Variants in EFCC1 observed in about 807,000 individuals in gnomAD.
EFCC1 encodes EF-hand and coiled-coil domain-containing protein 1.
In EFCC1, 50 loss-of-function variants were observed where a neutral mutation model predicts 52.1. That is an observed-to-expected ratio of 0.96 (90% CI 0.76 to 1.21). The LOEUF (loss-of-function observed/expected upper bound fraction) is 1.21, where lower values mean the gene tolerates loss of function less well. Among genes scored for constraint, EFCC1 ranks in the 50% most tolerant of loss-of-function variants. The pLI, the probability that EFCC1 is intolerant of heterozygous loss-of-function variation, is 0.00. For missense variants in EFCC1, 837 were observed against 867.3 expected, an observed-to-expected ratio of 0.97 and a Z score of 0.44; for synonymous variants, 399 against 396.5, an observed-to-expected ratio of 1.01 and a Z score of -0.08.
At position 129,003,949 on chromosome 3, in the gene EFCC1, C is replaced by T; in HGVS notation, c.852C>T (p.Arg284=). ...GTGGCCAGGCCGAGGTGCGGCGGCG[C>T]GCGGAGGAGGCCCGGCAGGTGGTGC... ...LRRGQAEVRR[R]AEEARQVVLR... Residue 284 remains arginine, a synonymous_variant, in exon 2 of 8, where the codon CGC becomes CGT. Transcript: ENST00000683648. 7.1e-7 allele frequency: 1 copy of T among 1,415,884 alleles called. No homozygotes were observed. The allele number at this position is 1,415,884 out of a possible 1,614,324, so 87.7% of individuals were successfully genotyped here. A position where few individuals can be genotyped will look rare whatever the true frequency, so the allele number is the denominator to read the frequency against.
intron 5 of EFCC1, among the ~76,000 whole-genome samples, chr3:129,036,395 A>G (rs1302836882): frequency 3.3e-5 from 5 of 152,230 alleles, no homozygotes; most frequent in African/African-American, 1.2e-4. Flanking sequence ...TGCCTGCTTT[A>G]GAAGGCAGGG....
intron 2 of EFCC1, among the ~76,000 whole-genome samples, chr3:129,022,499 A>T (rs1484300152): frequency 6.6e-6 from 1 of 152,160 alleles, no homozygotes; most frequent in Non-Finnish European, 1.5e-5. Flanking sequence ...CCCTTGTCAG[A>T]TTGTATAAGC....
At position 129,014,017 on chromosome 3, in the gene EFCC1, G is replaced by A. The variant is rs1420512454; in HGVS notation, c.980+9940G>A. 1.3e-5 allele frequency among the ~76,000 whole-genome samples: 2 copies of A among 152,184 alleles called. No homozygotes were observed. Among genetic ancestry groups the A allele is most frequent in the Non-Finnish European group, 2.9e-5 (2 of 68,028 alleles). The stretch of plus-strand genomic sequence containing the variant: ...ACCGAGGTGACTGGAGAAGCCTGGA[G>A]CCACCCAAAGTCAGAGACCCAGGAA... On this transcript the variant is annotated intron_variant, in intron 2 of 7. Transcript: ENST00000683648. The surrounding 1 kb of genome is among the most constrained non-coding windows in gnomAD (Gnocchi z 4.3).
Position 129,037,066 on chromosome 3 carries a change from G to A in EFCC1, c.1542G>A (p.Leu514=), listed in dbSNP as rs1946365247. The change falls in exon 6 of 8, where the codon CTG becomes CTA. Residue 514 remains leucine, a synonymous_variant. Transcript: ENST00000683648. ...CCGAGAGGGTGCGGCTGTCCCTGCTGGAGGAGAAGCTGGTGGACGTGCTGC... is the reference window on the plus strand; with the variant it reads ...CCGAGAGGGTGCGGCTGTCCCTGCTAGAGGAGAAGCTGGTGGACGTGCTGC... The part of the protein sequence containing the change: ...VETERVRLSL[L]EEKLVDVLQL... 6.2e-7 allele frequency: 1 copy of A among 1,613,298 alleles called. No homozygotes were observed. Among genetic ancestry groups the A allele is most frequent in the Non-Finnish European group, 8.5e-7 (1 of 1,179,810 alleles).
chr3:129,035,879 C>T (rs1946347610), intron 5 of EFCC1, among the ~76,000 whole-genome samples: 1 of 152,214 alleles, frequency 6.6e-6, no homozygotes, highest in South Asian at 2.1e-4. Context: ...GTGAAATGGG[C>T]ATAATAATGG....
intron 2 of EFCC1, among the ~76,000 whole-genome samples, chr3:129,009,426 C>T (rs1945219677): frequency 6.6e-6 from 1 of 152,220 alleles, no homozygotes; most frequent in Non-Finnish European, 1.5e-5. Context: ...ATCCCCAAAG[C>T]TCAGTCCAGT....
chr3:129,038,952 C>A, intron 7 of EFCC1, 52 bp downstream of exon 7: 1 of 1,496,334 alleles, frequency 6.7e-7, no homozygotes, highest in Non-Finnish European at 9.3e-7. Context: ...GGAGGGTGTC[C>A]TGAGGAGGAG....
chr3:129,001,947 G>A lies in EFCC1; in HGVS notation c.319G>A (p.Asp107Asn). ...GGCAGCAGGTGACGGGAACTCCAGAGATGTGACCCCCGGGGATGCGGCCGC... is the reference window on the plus strand; with the variant it reads ...GGCAGCAGGTGACGGGAACTCCAGAAATGTGACCCCCGGGGATGCGGCCGC... ...GQAAGDGNSR[D>N]VTPGDAAAEL... The change falls in exon 1 of 8, where the codon GAT becomes AAT. Residue 107 changes from aspartate to asparagine, a missense_variant. Physicochemically the swap from Asp to Asn is conservative, Grantham distance 23 (BLOSUM62 1). Coordinates refer to ENST00000683648, the MANE Select transcript of EFCC1 (RefSeq NM_001377500.1). 6.5e-7 allele frequency: 1 copy of A among 1,543,858 alleles called. No individual in the cohort carries two copies. Among genetic ancestry groups the A allele is most frequent in the Non-Finnish European group, 8.7e-7 (1 of 1,144,094 alleles).
At chr3:129,012,715 C>T (rs1438497020) in intron 2 of EFCC1, among the ~76,000 whole-genome samples, 2 of 152,132 alleles carry the variant, frequency 1.3e-5, no homozygotes, top group African/African-American at 2.4e-5. Context: ...GGACAACTCC[C>T]AAAACGAAGG....
At chr3:129,034,113 C>A (rs376688096) in intron 4 of EFCC1, 51 bp from the exon 5 acceptor site, 2 of 1,608,400 alleles carry the variant, frequency 1.2e-6, no homozygotes, top group Non-Finnish European at 1.7e-6. Flanking sequence ...CTGGACAGAG[C>A]GGGCTCTGGG....
At chr3:129,025,005 G>A (rs1336021456) in intron 2 of EFCC1, among the ~76,000 whole-genome samples, 3 of 152,172 alleles carry the variant, frequency 2.0e-5, no homozygotes, top group Admixed American at 2.0e-4. Flanking sequence ...ACTTCACTGA[G>A]GGAGGGAGGA....
chr3:129,001,956 C>A lies in EFCC1; in HGVS notation c.328C>A (p.Pro110Thr), dbSNP rs1414108304. The change falls in exon 1 of 8, where the codon CCC becomes ACC. Residue 110 changes from proline (P) to threonine (T), a missense_variant. By Grantham distance (38) the Pro-to-Thr change is conservative (BLOSUM62 -1). Coordinates refer to ENST00000683648, the MANE Select transcript of EFCC1 (RefSeq NM_001377500.1). ...AGDGNSRDVT[P>T]GDAAAELATD... is the part of the protein sequence containing the mutation. The stretch of plus-strand genomic sequence containing the variant: ...TGACGGGAACTCCAGAGATGTGACC[C>A]CCGGGGATGCGGCCGCTGAGTTGGC... The A allele has an allele frequency of 3.9e-6, 6 of 1,544,074 alleles. No individual in the cohort carries two copies. The highest frequency in any genetic ancestry group is 5.2e-6 in the Non-Finnish European group (6 of 1,144,266).
At position 129,001,615 on chromosome 3, in the gene EFCC1, C is replaced by T. The variant is rs1358863383; in HGVS notation, c.-14C>T. ...CGGAGGAGGGACCGGAGGAGCGAGGCGCGCGGCGCAGCGATGGAGCCGGTC... is the reference window on the plus strand; with the variant it reads ...CGGAGGAGGGACCGGAGGAGCGAGGTGCGCGGCGCAGCGATGGAGCCGGTC... On this transcript the variant is annotated 5_prime_UTR_variant, in exon 1 of 8. Transcript: ENST00000683648. 4 of 1,355,126 alleles carry T rather than the reference C, an allele frequency of 3.0e-6. No individual in the cohort carries two copies. In the African/African-American group the frequency reaches 4.6e-5, roughly 16 times the overall value. The allele number at this position is 1,355,126 out of a possible 1,614,324, so 83.9% of individuals were successfully genotyped here.
intron 2 of EFCC1, among the ~76,000 whole-genome samples, chr3:129,012,144 C>T (rs538929662): frequency 5.3e-5 from 8 of 152,242 alleles, no homozygotes; most frequent in African/African-American, 9.6e-5. Flanking sequence ...ATGTATGTTG[C>T]ACATTTTCTT....
intron 2 of EFCC1, among the ~76,000 whole-genome samples, chr3:129,022,719 C>T (rs989619679): frequency 2.6e-5 from 4 of 152,208 alleles, no homozygotes; most frequent in Non-Finnish European, 4.4e-5. Flanking sequence ...GCCTGGAGCC[C>T]TGACAGAGGT....
intron 2 of EFCC1, among the ~76,000 whole-genome samples, chr3:129,026,718 T>C (rs1207615284): frequency 5.9e-5 from 9 of 152,112 alleles, no homozygotes; most frequent in Non-Finnish European, 1.0e-4. Context: ...CAGGCTGTAG[T>C]CTGGAGCCTG....
chr3:129,018,135 G>C (rs2107903238), intron 2 of EFCC1, among the ~76,000 whole-genome samples: 1 of 152,292 alleles, frequency 6.6e-6, no homozygotes, highest in South Asian at 2.1e-4. Context: ...AATAGGATTA[G>C]TTATCTTAGG....
rs1299097117 is a variant in EFCC1 at position 129,003,921 on chromosome 3, G to A, written c.824G>A (p.Arg275His). The A allele has an allele frequency of 5.1e-6, 7 of 1,367,704 alleles. No individual in the cohort carries two copies. The Admixed American group carries it at 1.4e-4, about 27-fold the overall frequency. The allele number at this position is 1,367,704 out of a possible 1,614,324, so 84.7% of individuals were successfully genotyped here. A position where few individuals can be genotyped will look rare whatever the true frequency, so the allele number is the denominator to read the frequency against. The part of the protein sequence containing the change: ...AAAEARAGRL[R>H]RGQAEVRRRA... ...GCGGAGGCCCGCGCTGGGCGGCTGC[G>A]CCGTGGCCAGGCCGAGGTGCGGCGG... The change falls in exon 2 of 8, where the codon CGC becomes CAC. Residue 275 changes from arginine to histidine, a missense_variant. By Grantham distance (29) the Arg-to-His change is conservative (BLOSUM62 0). Transcript: ENST00000683648.
intron 7 of EFCC1, 72 bp downstream of exon 7, chr3:129,038,972 T>G (rs1210488711): frequency 2.4e-6 from 3 of 1,273,210 alleles, no homozygotes; most frequent in Non-Finnish European, 3.4e-6. Flanking sequence ...GACTCCAGTG[T>G]GCTTCATGCT....
Sources: allele counts gnomAD v4.1 joint callset (sites outside exome capture counted in the v4.1 genomes callset), GRCh38; gene constraint gnomAD v4.1.1; non-coding constraint Gnocchi (gnomAD v3.1); transcripts MANE v1.5; gene names NCBI Gene and HGNC (gene_info 2026-07-23, HGNC 2026-07-21).